The following NCKAP5 variants were observed in gnomAD, a reference collection of about 807,000 sequenced individuals.
NCKAP5 encodes nck-associated protein 5.
A neutral mutation model predicts 167.0 loss-of-function variants in NCKAP5; 92 were observed. The observed-to-expected ratio is 0.55, with a 90% CI of 0.47 to 0.66. The LOEUF is 0.66. NCKAP5 is among the 30% of genes least tolerant of loss of function. NCKAP5 has a pLI of 0.00. For synonymous variants in NCKAP5, 891 were observed against 877.4 expected (o/e 1.02, Z -0.27); for missense variants, 2,378 against 2,315.0 (o/e 1.03, Z -0.56).
At chr2:133,414,017 G>A (rs1688946709) in intron 3 of NCKAP5, among the ~76,000 whole-genome samples, 2 of 152,166 alleles carry the variant, frequency 1.3e-5, no homozygotes, top group African/African-American at 4.8e-5. Flanking sequence ...TGGTGCCCTT[G>A]GGGCCTTGCA....
chr2:132,672,186 T>C lies in NCKAP5; in HGVS notation c.*1103A>G, dbSNP rs2104943133. The C allele has an allele frequency of 6.5e-6, 1 of 152,718 alleles. No individual in the cohort carries two copies. Among genetic ancestry groups the C allele is most frequent in the South Asian group, 2.1e-4 (1 of 4,828 alleles). The allele number at this position is 152,718 out of a possible 1,614,324, so 9.5% of individuals were successfully genotyped here. On this transcript the variant is annotated 3_prime_UTR_variant, in exon 20 of 20. Transcript: ENST00000409261. ...TATTTTTAAAAGTGAACATTGCAAA[T>C]AGAAATTTGTTTTCATTTTTAGAGT... is the stretch of plus-strand genomic sequence containing the variant.
At chr2:133,241,274 G>T (rs1287599303) in intron 4 of NCKAP5, among the ~76,000 whole-genome samples, 1 of 152,106 alleles carries the variant, frequency 6.6e-6, no homozygotes, top group African/African-American at 2.4e-5. Context: ...ATTTCAGTCG[G>T]CAGTGTTGCT....
intron 6 of NCKAP5, among the ~76,000 whole-genome samples, chr2:133,030,241 T>A (rs2149420199): frequency 6.6e-6 from 1 of 152,298 alleles, no homozygotes; most frequent in Non-Finnish European, 1.5e-5. Context: ...ACAGGGGCCA[T>A]CTCATGATGA....
intron 1 of NCKAP5, among the ~76,000 whole-genome samples, chr2:133,560,112 A>G (rs999392050): frequency 6.6e-6 from 1 of 152,236 alleles, no homozygotes; most frequent in Non-Finnish European, 1.5e-5. Flanking sequence ...TATAAAACCC[A>G]ATGCCAAGCT....
chr2:132,779,755 G>A (rs1682862147), intron 15 of NCKAP5, among the ~76,000 whole-genome samples: 2 of 152,078 alleles, frequency 1.3e-5, no homozygotes, highest in South Asian at 2.1e-4. Context: ...GAAACTTGAA[G>A]GAAATCTAAA....
At chr2:133,384,885 T>A (rs573609760) in intron 3 of NCKAP5, among the ~76,000 whole-genome samples, 52 of 152,322 alleles carry the variant, frequency 3.4e-4, no homozygotes, top group Non-Finnish European at 5.7e-4. Flanking sequence ...GTGATTTTTG[T>A]ACATTGATTT....
chr2:132,862,924 C>G (rs866401223), intron 10 of NCKAP5, among the ~76,000 whole-genome samples: 1 of 152,086 alleles, frequency 6.6e-6, no homozygotes, highest in African/African-American at 2.4e-5. Flanking sequence ...CGGGTTCAGG[C>G]GATTCTTCTA....
intron 8 of NCKAP5, among the ~76,000 whole-genome samples, chr2:132,879,401 A>C (rs551847827): frequency 7.7e-4 from 118 of 152,354 alleles, no homozygotes; most frequent in African/African-American, 2.6e-3. Flanking sequence ...TACGTACATA[A>C]GATAATGAGA....
chr2:133,323,235 A>G (rs190654945), intron 3 of NCKAP5, among the ~76,000 whole-genome samples: 1 of 152,344 alleles, frequency 6.6e-6, no homozygotes, highest in Admixed American at 6.5e-5. Flanking sequence ...GTGATCATGT[A>G]AAATCAGGAA....
At chr2:132,906,729 C>A (rs768691399) in intron 8 of NCKAP5, among the ~76,000 whole-genome samples, 29 of 152,206 alleles carry the variant, frequency 1.9e-4, no homozygotes, top group African/African-American at 6.3e-4. Flanking sequence ...TTCAAAGCTG[C>A]CAGCAAACAT....
At chr2:132,862,558 A>G (rs1689994159) in intron 10 of NCKAP5, among the ~76,000 whole-genome samples, 1 of 152,154 alleles carries the variant, frequency 6.6e-6, no homozygotes, top group Non-Finnish European at 1.5e-5. Flanking sequence ...TCAAATTAAA[A>G]GGTGCAACTT....
chr2:132,920,771 G>GTATATATATATATATATATATA (rs55895538), intron 8 of NCKAP5, among the ~76,000 whole-genome samples: 1 of 31,570 alleles, frequency 3.2e-5, no homozygotes, highest in Non-Finnish European at 6.5e-5. Context: ...ATATATGTAT[G>GTATATATATATATATATATATA]TATATATATA....
At chr2:133,152,299 T>A (rs564299034) in intron 5 of NCKAP5, among the ~76,000 whole-genome samples, 4 of 152,308 alleles carry the variant, frequency 2.6e-5, no homozygotes, top group African/African-American at 7.2e-5. Flanking sequence ...TTGCCACAGT[T>A]TTCCCCCCTT....
chr2:133,147,663 A>C, intron 5 of NCKAP5, among the ~76,000 whole-genome samples: 1 of 152,140 alleles, frequency 6.6e-6, no homozygotes, highest in Non-Finnish European at 1.5e-5. Context: ...AAGCATATGG[A>C]TGAGCAACAT....
At chr2:133,345,209 G>A (rs62180015) in intron 3 of NCKAP5, among the ~76,000 whole-genome samples, 137 of 152,122 alleles carry the variant, frequency 9.0e-4, no homozygotes, top group Admixed American at 2.3e-3. Context: ...CTGCCCAGCC[G>A]CCCCATTGTC....
chr2:133,402,279 G>C (rs1360527714), intron 3 of NCKAP5, among the ~76,000 whole-genome samples: 1 of 152,082 alleles, frequency 6.6e-6, no homozygotes, highest in Non-Finnish European at 1.5e-5. Context: ...CCCTAAAATA[G>C]GACCCTGAGG....
At chr2:133,523,886 C>A (rs1446784227) in intron 2 of NCKAP5, among the ~76,000 whole-genome samples, 9 of 152,176 alleles carry the variant, frequency 5.9e-5, no homozygotes, top group Admixed American at 5.9e-4. Flanking sequence ...TGGGTTTTCA[C>A]CCTGGTTGTA....
At chr2:133,455,207 C>A (rs1001791997) in intron 3 of NCKAP5, among the ~76,000 whole-genome samples, 1 of 152,070 alleles carries the variant, frequency 6.6e-6, no homozygotes, top group Non-Finnish European at 1.5e-5. Context: ...ATTATAATAT[C>A]TCAAAGCCTT....
At chr2:133,397,784 T>C (rs1687824627) in intron 3 of NCKAP5, among the ~76,000 whole-genome samples, 1 of 152,186 alleles carries the variant, frequency 6.6e-6, no homozygotes, top group Non-Finnish European at 1.5e-5. Flanking sequence ...GTATAAGGAG[T>C]GTTTTATCTA....
Sources: allele counts gnomAD v4.1 joint callset (sites outside exome capture counted in the v4.1 genomes callset), GRCh38; gene constraint gnomAD v4.1.1; transcripts MANE v1.5; gene names NCBI Gene and HGNC (gene_info 2026-07-23, HGNC 2026-07-21).